Variants in DYNC1I2 observed in about 807,000 individuals in gnomAD.
The protein encoded by DYNC1I2 is cytoplasmic dynein 1 intermediate chain 2.
DYNC1I2 carries 53 observed loss-of-function variants against 88.6 expected under a neutral mutation model. That is an observed-to-expected ratio of 0.60 (90% CI 0.48 to 0.75). The LOEUF (loss-of-function observed/expected upper bound fraction) is 0.75, where lower values mean the gene tolerates loss of function less well. Ranked by LOEUF, DYNC1I2 falls within the 30% of genes least tolerant of loss-of-function variation. The pLI is 0.00. For missense variants in DYNC1I2, 458 were observed against 766.6 expected, an observed-to-expected ratio of 0.60 and a Z score of 4.75; for synonymous variants, 198 against 254.6, an observed-to-expected ratio of 0.78 and a Z score of 2.12.
chr2:171,733,452 C>G (rs1350348782), intron 15 of DYNC1I2, among the ~76,000 whole-genome samples: 1 of 129,164 alleles, frequency 7.7e-6, no homozygotes, highest in African/African-American at 2.9e-5. Context: ...CACAACCTTG[C>G]CAGCATCTTT....
rs750546570 is a variant in DYNC1I2 at position 171,744,034 on chromosome 2, AC to A, written c.1537-14del. On this transcript the variant is annotated splice_polypyrimidine_tract_variant and intron_variant, in intron 15 of 17. Transcript: ENST00000397119. The stretch of plus-strand genomic sequence containing the variant: ...CATATATGGACTGTGCTAAGAATCA[AC>A]TTTTCTCTTTCAGAATAACAAGCCT... 3 of 1,603,668 alleles carry A rather than the reference AC, an allele frequency of 1.9e-6. No homozygotes were observed. In the African/African-American group the frequency reaches 4.0e-5, roughly 22 times the overall value.
At chr2:171,722,993 T>C (rs1298358366) in intron 7 of DYNC1I2, among the ~76,000 whole-genome samples, 2 of 152,306 alleles carry the variant, frequency 1.3e-5, no homozygotes, top group African/African-American at 2.4e-5. Context: ...TATGGACAAA[T>C]AGGCATGGCA....
chr2:171,689,696 T>C (rs1313771089), intron 1 of DYNC1I2, among the ~76,000 whole-genome samples: 4 of 151,842 alleles, frequency 2.6e-5, no homozygotes, highest in Non-Finnish European at 2.9e-5. Context: ...AGTAATAATA[T>C]ATATGCTTCC....
intron 3 of DYNC1I2, among the ~76,000 whole-genome samples, chr2:171,699,362 T>A (rs926338640): frequency 6.6e-6 from 1 of 152,158 alleles, no homozygotes; most frequent in Non-Finnish European, 1.5e-5. Flanking sequence ...TTTTTGTATA[T>A]GTACTAATGA....
At chr2:171,713,734 C>T (rs1315062555) in intron 6 of DYNC1I2, among the ~76,000 whole-genome samples, 1 of 152,080 alleles carries the variant, frequency 6.6e-6, no homozygotes, top group African/African-American at 2.4e-5. Context: ...TATGAATATA[C>T]CTTTTGGAAT....
chr2:171,738,636 A>G (rs567398669), intron 15 of DYNC1I2, among the ~76,000 whole-genome samples: 1 of 152,282 alleles, frequency 6.6e-6, no homozygotes, highest in African/African-American at 2.4e-5. Flanking sequence ...TTGGTCTTTG[A>G]TGGAAGACAT....
chr2:171,722,461 CAAT>C (rs924855256), intron 7 of DYNC1I2, among the ~76,000 whole-genome samples: 2 of 152,102 alleles, frequency 1.3e-5, no homozygotes, highest in African/African-American at 4.8e-5. Flanking sequence ...GAATATTCAT[CAAT>C]AAATTGATGT....
chr2:171,712,623 G>A (rs1324823306), intron 5 of DYNC1I2, 144 bp from the exon 6 acceptor site: 4 of 583,790 alleles, frequency 6.9e-6, no homozygotes, highest in Non-Finnish European at 1.2e-5. Flanking sequence ...TTTTGTTTTC[G>A]ATTTTTTTTT....
chr2:171,714,341 G>C (rs980396135), intron 6 of DYNC1I2, among the ~76,000 whole-genome samples: 1 of 151,712 alleles, frequency 6.6e-6, no homozygotes, highest in Non-Finnish European at 1.5e-5. Flanking sequence ...ATAGGACTTG[G>C]ATTTAGTTAC....
intron 7 of DYNC1I2, among the ~76,000 whole-genome samples, chr2:171,722,751 T>C (rs374234661): frequency 6.6e-6 from 1 of 152,190 alleles, no homozygotes; most frequent in Non-Finnish European, 1.5e-5. Flanking sequence ...ATCAACCTTA[T>C]AGCAAAAAGA....
intron 5 of DYNC1I2, among the ~76,000 whole-genome samples, chr2:171,711,220 C>G (rs1160031944): frequency 6.6e-6 from 1 of 152,014 alleles, no homozygotes; most frequent in Non-Finnish European, 1.5e-5. Context: ...CCAGGCTGGT[C>G]TCGAACTCCT....
chr2:171,719,344 A>G (rs904186612), intron 7 of DYNC1I2, among the ~76,000 whole-genome samples: 3 of 152,192 alleles, frequency 2.0e-5, no homozygotes, highest in Non-Finnish European at 4.4e-5. Flanking sequence ...TTCTTTTCCC[A>G]AAGTGTATAA....
intron 2 of DYNC1I2, among the ~76,000 whole-genome samples, chr2:171,690,793 T>A (rs1037550831): frequency 1.2e-4 from 19 of 152,004 alleles, no homozygotes; most frequent in Admixed American, 8.5e-4. Flanking sequence ...TAGCTGGGCC[T>A]ACAGGCACAT....
At chr2:171,713,387 G>C (rs2105589616) in intron 6 of DYNC1I2, among the ~76,000 whole-genome samples, 1 of 150,866 alleles carries the variant, frequency 6.6e-6, no homozygotes, top group East Asian at 1.9e-4. Context: ...GAGCCCCTAG[G>C]TTAAATAAAT....
intron 15 of DYNC1I2, among the ~76,000 whole-genome samples, chr2:171,733,220 C>A (rs1172785416): frequency 6.6e-6 from 1 of 152,166 alleles, no homozygotes; most frequent in Admixed American, 6.5e-5. Context: ...ATATGTACCA[C>A]ATTTTCTTTA....
chr2:171,723,584 G>C lies in DYNC1I2; in HGVS notation c.512-2034G>C, dbSNP rs149050341. 2.0e-3 allele frequency among the ~76,000 whole-genome samples: 311 copies of C among 152,274 alleles called. 1 individual carries two copies. Among genetic ancestry groups the C allele is most frequent in the Non-Finnish European group, 3.6e-3 (244 of 68,034 alleles). On this transcript the variant is annotated intron_variant, in intron 7 of 17. Coordinates refer to ENST00000397119, the MANE Select transcript of DYNC1I2 (RefSeq NM_001378.3). ...ATTGCTACCAATTATACTATTTTCA[G>C]ATTAATAATTCGTTGTATATGAGAA...
intron 15 of DYNC1I2, among the ~76,000 whole-genome samples, chr2:171,736,651 C>G (rs1348684328): frequency 6.6e-6 from 1 of 152,178 alleles, no homozygotes; most frequent in African/African-American, 2.4e-5. Context: ...CTGGACGATG[C>G]TTGAATGGGT....
chr2:171,706,471 A>C, intron 3 of DYNC1I2, 76 bp from the exon 4 acceptor site: 1 of 1,260,838 alleles, frequency 7.9e-7, no homozygotes, highest in Non-Finnish European at 1.1e-6. Context: ...TTTATATACT[A>C]TGAAAAATGT....
At chr2:171,737,607 A>T (rs960569165) in intron 15 of DYNC1I2, among the ~76,000 whole-genome samples, 3 of 152,138 alleles carry the variant, frequency 2.0e-5, no homozygotes, top group Non-Finnish European at 4.4e-5. Context: ...TAGTAGAGAC[A>T]GGGTTTCACC....
Sources: allele counts gnomAD v4.1 joint callset (sites outside exome capture counted in the v4.1 genomes callset), GRCh38; gene constraint gnomAD v4.1.1; transcripts MANE v1.5; gene names NCBI Gene and HGNC (gene_info 2026-07-23, HGNC 2026-07-21).